BRI3BP: variants seen among roughly 807,000 people sequenced by gnomAD.
BRI3BP encodes the protein BRI3 binding protein.
In BRI3BP, 7 loss-of-function variants were observed where a neutral mutation model predicts 15.8. The observed-to-expected ratio is 0.44, with a 90% CI of 0.25 to 0.83. The LOEUF is 0.83. Among genes scored for constraint, BRI3BP ranks in the 40% least tolerant of loss-of-function variants. The pLI is 0.20. For synonymous variants in BRI3BP, 192 were observed against 163.5 expected, an observed-to-expected ratio of 1.17 and a Z score of -1.33; for missense variants, 320 against 339.3, an observed-to-expected ratio of 0.94 and a Z score of 0.45.
chr12:125,008,658 G>A (rs781543486), intron 1 of BRI3BP, among the ~76,000 whole-genome samples: 2 of 152,076 alleles, frequency 1.3e-5, no homozygotes, highest in African/African-American at 2.4e-5. Flanking sequence ...TTTTGGCAGC[G>A]GGACCAGTTT....
chr12:124,998,001 G>A (rs993367748), intron 1 of BRI3BP, among the ~76,000 whole-genome samples: 2 of 152,096 alleles, frequency 1.3e-5, no homozygotes, highest in Non-Finnish European at 2.9e-5. Context: ...ATGCATGCCT[G>A]TAATCCCAGC....
In BRI3BP at chr12:125,025,704, AAG is replaced by A. The variant is rs1209789377; in HGVS notation, c.*278_*279del. 10 of 391,694 alleles carry A rather than the reference AAG, an allele frequency of 2.6e-5. No individual in the cohort carries two copies. Among genetic ancestry groups the A allele is most frequent in the African/African-American group, 8.1e-5 (4 of 49,382 alleles). 24.3% of individuals were successfully genotyped at this position (391,694 alleles called of 1,614,324 possible). Reference sequence around the variant, plus strand: ...ATATAACCATATTTAGTTGTACAGTAAGAGAAATTTATCTGTGCATAGAGCAT... The same window carrying A: ...ATATAACCATATTTAGTTGTACAGTAAGAAATTTATCTGTGCATAGAGCAT... On this transcript the variant is annotated 3_prime_UTR_variant, in exon 3 of 3. Transcript: ENST00000341446.
At chr12:125,049,856 G>C in the BRI3BP span, among the ~76,000 whole-genome samples, 1 of 152,180 alleles carries the variant, frequency 6.6e-6, no homozygotes, top group Non-Finnish European at 1.5e-5. Context: ...CCGGGCGTTG[G>C]GGTCGCGGGA....
Position 125,025,046 on chromosome 12 carries a change from C to G in BRI3BP, c.372C>G (p.Arg124=), listed in dbSNP as rs200282655. Residue 124 remains arginine, a synonymous_variant, in exon 3 of 3, where the codon CGC becomes CGG. Coordinates refer to ENST00000341446, the MANE Select transcript of BRI3BP (RefSeq NM_080626.6). ...SPASVSSSPA[R]ALLLVGVVLL... ...CCTCGGTGTCCAGCAGCCCGGCCCG[C>G]GCGCTCCTGCTGGTCGGCGTCGTCC... is the stretch of plus-strand genomic sequence containing the variant. 6 of 1,613,462 alleles carry G rather than the reference C, an allele frequency of 3.7e-6. No homozygotes were observed. The Admixed American group carries it at 1.0e-4, about 27-fold the overall frequency.
chr12:125,002,547 C>T (rs1209720117), intron 1 of BRI3BP, among the ~76,000 whole-genome samples: 2 of 151,596 alleles, frequency 1.3e-5, no homozygotes, highest in African/African-American at 4.9e-5. Context: ...ACCTCCGCCT[C>T]CGGGGTTCAC....
chr12:125,049,247 CCTAT>C, the BRI3BP span, among the ~76,000 whole-genome samples: 4 of 152,162 alleles, frequency 2.6e-5, no homozygotes, highest in South Asian at 2.1e-4. Flanking sequence ...CTCAGACCAT[CCTAT>C]CTATCAAAAG....
intron 2 of BRI3BP, among the ~76,000 whole-genome samples, chr12:125,023,454 G>C (rs1167460003): frequency 1.3e-5 from 2 of 152,216 alleles, no homozygotes; most frequent in African/African-American, 4.8e-5. Flanking sequence ...ATCCTAGGTA[G>C]TTGTGTGCCC....
At chr12:125,014,868 G>A (rs924069688) in intron 2 of BRI3BP, among the ~76,000 whole-genome samples, 4 of 152,158 alleles carry the variant, frequency 2.6e-5, no homozygotes, top group Admixed American at 6.5e-5. Context: ...TCCTGGGCTC[G>A]TGATCCTCCC....
chr12:125,000,345 G>A (rs577888065), intron 1 of BRI3BP, among the ~76,000 whole-genome samples: 17 of 127,328 alleles, frequency 1.3e-4, no homozygotes, highest in African/African-American at 4.9e-4. Flanking sequence ...AGGGAGTCTC[G>A]CTCTGCCACC....
intron 1 of BRI3BP, among the ~76,000 whole-genome samples, chr12:125,001,864 A>T (rs574710723): frequency 6.6e-6 from 1 of 152,036 alleles, no homozygotes; most frequent in Admixed American, 6.6e-5. Flanking sequence ...CCAAAAAGAA[A>T]CTCTGTACCC....
At chr12:124,994,562 T>C (rs1955025167) in intron 1 of BRI3BP, among the ~76,000 whole-genome samples, 1 of 152,056 alleles carries the variant, frequency 6.6e-6, no homozygotes, top group Non-Finnish European at 1.5e-5. Flanking sequence ...GAGCACCTAC[T>C]GTGTGCGGGG....
At position 125,026,303 on chromosome 12, in the gene BRI3BP, G is replaced by A. The variant is rs1955354119; in HGVS notation, c.*873G>A. The A allele has an allele frequency of 6.7e-6, 1 of 148,508 alleles. No individual in the cohort carries two copies. The highest frequency in any genetic ancestry group is 2.5e-5 in the African/African-American group (1 of 39,910). The allele number at this position is 148,508 out of a possible 1,614,324, so 9.2% of individuals were successfully genotyped here. A position where few individuals can be genotyped will look rare whatever the true frequency, so the allele number is the denominator to read the frequency against. On this transcript the variant is annotated 3_prime_UTR_variant, in exon 3 of 3. Transcript: ENST00000341446. ...TTGCTCACTAGGGCTATATACAAAAGCTATACCCTTGAGGGTTTTTTTTTT... is the reference window on the plus strand; with the variant it reads ...TTGCTCACTAGGGCTATATACAAAAACTATACCCTTGAGGGTTTTTTTTTT...
chr12:124,997,256 C>G, intron 1 of BRI3BP, among the ~76,000 whole-genome samples: 1 of 80,792 alleles, frequency 1.2e-5, no homozygotes, highest in East Asian at 4.1e-4. Flanking sequence ...CGCTTCTTCT[C>G]CCAGGCTGGA....
At chr12:125,034,804 A>G (rs144694281), downstream of BRI3BP, among the ~76,000 whole-genome samples, 3,878 of 152,074 alleles carry the variant, frequency 0.026, 158 homozygotes, top group African/African-American at 0.084. Flanking sequence ...TGGCCAGACT[A>G]GTCTCGAACT....
chr12:124,996,963 G>A (rs1955045922), intron 1 of BRI3BP, among the ~76,000 whole-genome samples: 2 of 151,686 alleles, frequency 1.3e-5, no homozygotes, highest in Admixed American at 1.3e-4. Flanking sequence ...GTTTCACCAT[G>A]TTGGCCAGGC....
rs1294661203 is a variant in BRI3BP at position 125,030,801 on chromosome 12, C to T, written c.*5371C>T. 2 of 152,166 alleles carry T rather than the reference C, an allele frequency of 1.3e-5. No individual in the cohort carries two copies. The highest frequency in any genetic ancestry group is 2.9e-5 in the Non-Finnish European group (2 of 68,038). The allele number at this position is 152,166 out of a possible 1,614,324, so 9.4% of individuals were successfully genotyped here. A position where few individuals can be genotyped will look rare whatever the true frequency, so the allele number is the denominator to read the frequency against. The stretch of plus-strand genomic sequence containing the variant: ...AACCCAATGAAGCAATTGTCTCCCT[C>T]TTCTTAACTGGAAATCACACTTGTG... On this transcript the variant is annotated 3_prime_UTR_variant, in exon 3 of 3. Transcript: ENST00000341446.
rs992297106 is a variant in BRI3BP at position 125,029,123 on chromosome 12, G to A, written c.*3693G>A. ...AAAGGAAAAGGACCAGCCCTCTCTAGATTGCTGGAATTGTATGGATGTGTT... is the reference window on the plus strand; with the variant it reads ...AAAGGAAAAGGACCAGCCCTCTCTAAATTGCTGGAATTGTATGGATGTGTT... On this transcript the variant is annotated 3_prime_UTR_variant, in exon 3 of 3. Coordinates refer to ENST00000341446, the MANE Select transcript of BRI3BP (RefSeq NM_080626.6). 4 of 152,190 alleles carry A rather than the reference G, an allele frequency of 2.6e-5. No homozygotes were observed. The South Asian group carries it at 6.2e-4, about 24-fold the overall frequency. 9.4% of individuals were successfully genotyped at this position (152,190 alleles called of 1,614,324 possible). A position where few individuals can be genotyped will look rare whatever the true frequency, so the allele number is the denominator to read the frequency against.
chr12:125,011,782 T>C lies in BRI3BP; in HGVS notation c.214-752T>C, dbSNP rs556969156. The stretch of plus-strand genomic sequence containing the variant: ...GTATTCATGTTTCTTTAGCCCTGTG[T>C]CACCTGGAGGGCAAATAAAGACCTC... On this transcript the variant is annotated intron_variant, in intron 1 of 2. Transcript: ENST00000341446. 2.0e-5 allele frequency among the ~76,000 whole-genome samples: 3 copies of C among 152,292 alleles called. No homozygotes were observed. In the South Asian group the frequency reaches 6.2e-4, roughly 32 times the overall value.
chr12:125,047,125 C>T, the BRI3BP span, among the ~76,000 whole-genome samples: 4 of 151,760 alleles, frequency 2.6e-5, no homozygotes, highest in Non-Finnish European at 5.9e-5. Context: ...GGATTTATAG[C>T]GTAACGCAAT....
Sources: gnomAD v4.1 joint callset for allele counts (sites outside exome capture counted in the v4.1 genomes callset) on GRCh38, gnomAD v4.1.1 for gene constraint, MANE v1.5 for transcripts, NCBI Gene and HGNC (gene_info 2026-07-23, HGNC 2026-07-21) for gene names.